EYA3: variants seen among roughly 807,000 people sequenced by gnomAD.
EYA3 encodes the protein EYA transcriptional coactivator and phosphatase 3.
EYA3 carries 39 observed loss-of-function variants against 80.0 expected under a neutral mutation model. The observed-to-expected ratio is 0.49, with a 90% CI of 0.38 to 0.64. The LOEUF (loss-of-function observed/expected upper bound fraction) is 0.64. Among genes scored for constraint, EYA3 ranks in the 30% least tolerant of loss-of-function variants. The pLI is 0.00. For synonymous variants in EYA3, 206 were observed against 232.8 expected (o/e 0.88, Z 1.05); for missense variants, 523 against 676.1 (o/e 0.77, Z 2.51).
intron 1 of EYA3, among the ~76,000 whole-genome samples, chr1:28,071,719 G>A (rs961846547): frequency 6.6e-6 from 1 of 152,122 alleles, no homozygotes; most frequent in South Asian, 2.1e-4. Flanking sequence ...GATAAAATAT[G>A]CCAGGTATTA....
intron 7 of EYA3, among the ~76,000 whole-genome samples, chr1:28,024,678 T>C (rs1642668821): frequency 6.6e-6 from 1 of 152,068 alleles, no homozygotes; most frequent in Non-Finnish European, 1.5e-5. Flanking sequence ...ATAATTAAAA[T>C]TAATTTTGAA....
intron 1 of EYA3, among the ~76,000 whole-genome samples, chr1:28,083,446 G>A (rs1645502349): frequency 6.6e-6 from 1 of 152,196 alleles, no homozygotes. Flanking sequence ...CTTGAGCCCA[G>A]GAGGCAGAGG....
At chr1:28,031,470 T>C (rs1413747472) in intron 6 of EYA3, among the ~76,000 whole-genome samples, 3 of 152,232 alleles carry the variant, frequency 2.0e-5, no homozygotes, top group Non-Finnish European at 4.4e-5. Context: ...ACTGTCAAGC[T>C]AACAATGGGT....
chr1:28,058,151 G>A (rs910995121), intron 1 of EYA3, 57 bp from the exon 2 acceptor site: 3 of 631,682 alleles, frequency 4.7e-6, no homozygotes, highest in Admixed American at 3.0e-5. Context: ...TTATCATTGA[G>A]GCCATCAGAG....
chr1:27,988,044 C>T (rs1280413364), intron 16 of EYA3, among the ~76,000 whole-genome samples: 2 of 152,050 alleles, frequency 1.3e-5, no homozygotes, highest in East Asian at 1.9e-4. Flanking sequence ...ATTAAAAAAA[C>T]TTTTTTGTAG....
chr1:28,000,160 T>C, intron 11 of EYA3, 111 bp from the exon 12 acceptor site: 2 of 601,850 alleles, frequency 3.3e-6, no homozygotes, highest in South Asian at 5.4e-5. Flanking sequence ...AGCTCCCAAC[T>C]GTGCTTCAAA....
intron 8 of EYA3, among the ~76,000 whole-genome samples, chr1:28,015,988 A>G (rs988288434): frequency 3.3e-5 from 5 of 152,210 alleles, no homozygotes; most frequent in Non-Finnish European, 5.9e-5. Flanking sequence ...ACATTAAAGA[A>G]AAAAATGTCA....
intron 16 of EYA3, among the ~76,000 whole-genome samples, chr1:27,981,361 C>T (rs1370785615): frequency 2.0e-5 from 3 of 152,080 alleles, no homozygotes; most frequent in Non-Finnish European, 1.5e-5. Context: ...TTTCCATTAG[C>T]CTGATGAGCC....
intron 11 of EYA3, 50 bp from the exon 12 acceptor site, chr1:28,000,099 G>T: frequency 7.4e-7 from 1 of 1,343,958 alleles, no homozygotes; most frequent in Non-Finnish European, 1.0e-6. Flanking sequence ...CACAGTCCTG[G>T]TTCTAATCTT....
chr1:28,026,677 G>A (rs1320269067), intron 7 of EYA3, among the ~76,000 whole-genome samples: 4 of 151,624 alleles, frequency 2.6e-5, no homozygotes, highest in Non-Finnish European at 4.4e-5. Context: ...TGGTGGAGAA[G>A]ACAGGCAAAG....
At chr1:28,026,792 A>G (rs929498991) in intron 7 of EYA3, among the ~76,000 whole-genome samples, 2 of 152,076 alleles carry the variant, frequency 1.3e-5, no homozygotes, top group African/African-American at 4.8e-5. Flanking sequence ...ACAAGTGAAG[A>G]AAAGAGGAGA....
chr1:28,054,894 T>A (rs1411596084), intron 2 of EYA3, among the ~76,000 whole-genome samples: 1 of 152,182 alleles, frequency 6.6e-6, no homozygotes, highest in East Asian at 1.9e-4. Context: ...TTTGTTTGTT[T>A]GTTTTAATTT....
At position 28,013,049 on chromosome 1, in the gene EYA3, C is replaced by A; in HGVS notation, c.769+62G>T. The A allele has an allele frequency of 6.6e-7, 1 of 1,521,664 alleles. No individual in the cohort carries two copies. The highest frequency in any genetic ancestry group is 1.4e-5 in the African/African-American group (1 of 72,552). The allele number at this position is 1,521,664 out of a possible 1,614,324, so 94.3% of individuals were successfully genotyped here. A position where few individuals can be genotyped will look rare whatever the true frequency, so the allele number is the denominator to read the frequency against. On this transcript the variant is annotated intron_variant, in intron 9 of 17. Coordinates refer to ENST00000373871, the MANE Select transcript of EYA3 (RefSeq NM_001990.4). This position sits in a 1 kb window ranked among gnomAD's most constrained non-coding sequence, Gnocchi z 4.0. ...CAGAACAAAATCATCCTTACCATTG[C>A]CTAAAAACAACTGTTGGATGAAGTG...
intron 2 of EYA3, among the ~76,000 whole-genome samples, chr1:28,050,169 T>G (rs1434393341): frequency 6.7e-6 from 1 of 148,566 alleles, no homozygotes; most frequent in African/African-American, 2.5e-5. Flanking sequence ...TTAAATTTAC[T>G]TTTTATTTAT....
At chr1:27,998,704 T>C (rs1325368961) in intron 12 of EYA3, among the ~76,000 whole-genome samples, 4 of 149,386 alleles carry the variant, frequency 2.7e-5, no homozygotes, top group Non-Finnish European at 4.4e-5. Flanking sequence ...TGAAACCCCA[T>C]CTCTATTACT....
chr1:28,045,250 G>C (rs1460290382), intron 3 of EYA3, among the ~76,000 whole-genome samples: 1 of 152,108 alleles, frequency 6.6e-6, no homozygotes, highest in Non-Finnish European at 1.5e-5. Context: ...AAATTATATG[G>C]AATAGTTGTG....
chr1:28,024,566 A>C (rs1339324554), intron 7 of EYA3, among the ~76,000 whole-genome samples: 1 of 152,016 alleles, frequency 6.6e-6, no homozygotes, highest in Admixed American at 6.6e-5. Flanking sequence ...CTGAGGCACA[A>C]GAATCCCTTG....
chr1:28,027,596 C>A (rs1642861965), intron 7 of EYA3, among the ~76,000 whole-genome samples, 193 bp downstream of exon 7: 1 of 152,194 alleles, frequency 6.6e-6, no homozygotes. Flanking sequence ...GGCTAAACTA[C>A]TTATAAACCA....
chr1:27,974,586 C>T (rs762741371), intron 17 of EYA3, 40 bp from the exon 18 acceptor site: 1 of 1,542,440 alleles, frequency 6.5e-7, no homozygotes, highest in Non-Finnish European at 8.9e-7. Flanking sequence ...CCAACTTCTT[C>T]TGAGAGCTTA....
Sources: allele counts gnomAD v4.1 joint callset (sites outside exome capture counted in the v4.1 genomes callset), GRCh38; gene constraint gnomAD v4.1.1; non-coding constraint Gnocchi (gnomAD v3.1); transcripts MANE v1.5; gene names NCBI Gene and HGNC (gene_info 2026-07-23, HGNC 2026-07-21).